The following EXOC2 variants were observed in gnomAD, a reference collection of about 807,000 sequenced individuals.
EXOC2 encodes the protein exocyst complex component 2, also known as SEC5-like 1.
A neutral mutation model predicts 131.8 loss-of-function variants in EXOC2; 70 were observed. That is an observed-to-expected ratio of 0.53 (90% confidence interval 0.44 to 0.65). The LOEUF is 0.65. EXOC2 is among the 30% of genes least tolerant of loss of function. The pLI is 0.00. For synonymous variants in EXOC2, 411 were observed against 398.4 expected (o/e 1.03, Z -0.38); for missense variants, 923 against 1,108.6 (o/e 0.83, Z 2.38).
intron 13 of EXOC2, among the ~76,000 whole-genome samples, chr6:568,419 C>G (rs742490): frequency 0.097 from 14,764 of 152,280 alleles, 955 homozygotes; most frequent in African/African-American, 0.18. Flanking sequence ...GGCTGGCATT[C>G]AAACTGGAGC....
chr6:686,765 C>G (rs1445510579), intron 1 of EXOC2, among the ~76,000 whole-genome samples: 1 of 152,220 alleles, frequency 6.6e-6, no homozygotes, highest in African/African-American at 2.4e-5. Context: ...CAAGGACTGT[C>G]ACTATGTTGC....
chr6:606,796 C>G (rs1760441880), intron 7 of EXOC2, among the ~76,000 whole-genome samples: 1 of 152,240 alleles, frequency 6.6e-6, no homozygotes, highest in Non-Finnish European at 1.5e-5. Context: ...TACATCCCCA[C>G]AGCCAGCTAT....
chr6:645,677 A>G (rs919105200), intron 1 of EXOC2, among the ~76,000 whole-genome samples: 22 of 152,236 alleles, frequency 1.4e-4, no homozygotes, highest in Admixed American at 1.2e-3. Flanking sequence ...GTGACAAAGA[A>G]GTGTACTGGT....
chr6:592,208 T>C (rs772048360), intron 11 of EXOC2, among the ~76,000 whole-genome samples: 2 of 151,990 alleles, frequency 1.3e-5, no homozygotes, highest in Non-Finnish European at 2.9e-5. Context: ...CAAAGACCAA[T>C]GTCACCTCCT....
intron 1 of EXOC2, among the ~76,000 whole-genome samples, chr6:662,556 T>C (rs1036752871): frequency 4.6e-5 from 7 of 152,160 alleles, no homozygotes; most frequent in Admixed American, 1.3e-4. Context: ...CAAATGAGCA[T>C]TGGGTCAAAA....
intron 22 of EXOC2, among the ~76,000 whole-genome samples, chr6:543,448 G>A (rs1468575447): frequency 2.6e-5 from 4 of 152,138 alleles, no homozygotes; most frequent in East Asian, 1.9e-4. Flanking sequence ...GGTAGTTACC[G>A]GGGGCTGAGG....
intron 1 of EXOC2, among the ~76,000 whole-genome samples, chr6:643,871 A>G (rs1762467058): frequency 1.3e-5 from 2 of 152,288 alleles, no homozygotes; most frequent in African/African-American, 4.8e-5. Flanking sequence ...GATACTAAAG[A>G]CATTTAAATA....
intron 23 of EXOC2, among the ~76,000 whole-genome samples, chr6:503,359 A>T (rs1438149750): frequency 6.6e-6 from 1 of 152,118 alleles, no homozygotes; most frequent in Non-Finnish European, 1.5e-5. Flanking sequence ...TATATGTAAG[A>T]CCCCAAAGTG....
chr6:491,223 A>C (rs1763414104), intron 25 of EXOC2, 37 bp from the exon 26 acceptor site: 2 of 1,604,586 alleles, frequency 1.2e-6, no homozygotes, highest in Non-Finnish European at 1.7e-6. Context: ...CAACAGGAAA[A>C]TTTATATTAT....
At chr6:493,099 C>T (rs1293423800) in intron 25 of EXOC2, among the ~76,000 whole-genome samples, 1 of 152,092 alleles carries the variant, frequency 6.6e-6, no homozygotes. Flanking sequence ...AGAAATATCC[C>T]TTATTCTCAA....
chr6:532,900 T>C (rs1766179629), intron 22 of EXOC2, among the ~76,000 whole-genome samples: 1 of 152,168 alleles, frequency 6.6e-6, no homozygotes, highest in African/African-American at 2.4e-5. Context: ...AGAAGTTTAA[T>C]TGACTCAATT....
chr6:507,550 GAGAA>G (rs748003254), intron 23 of EXOC2, among the ~76,000 whole-genome samples: 1 of 152,158 alleles, frequency 6.6e-6, no homozygotes, highest in Non-Finnish European at 1.5e-5. Flanking sequence ...AAGCTTACAT[GAGAA>G]AGAGAGGGCT....
intron 7 of EXOC2, among the ~76,000 whole-genome samples, chr6:600,984 C>A (rs981182343): frequency 6.6e-6 from 1 of 152,056 alleles, no homozygotes; most frequent in Non-Finnish European, 1.5e-5. Context: ...ATAATGTATT[C>A]AGTAATAAAA....
intron 23 of EXOC2, among the ~76,000 whole-genome samples, chr6:529,914 A>G (rs1484124940): frequency 6.6e-6 from 1 of 152,218 alleles, no homozygotes; most frequent in Non-Finnish European, 1.5e-5. Flanking sequence ...TTACCGAAAA[A>G]TGTATTACTT....
At chr6:658,722 C>T (rs1763278480) in intron 1 of EXOC2, among the ~76,000 whole-genome samples, 1 of 141,236 alleles carries the variant, frequency 7.1e-6, no homozygotes, top group Non-Finnish European at 1.5e-5. Flanking sequence ...AGTGCAATGG[C>T]GTGATCTCGG....
chr6:543,497 G>A (rs1255705722), intron 22 of EXOC2, among the ~76,000 whole-genome samples: 1 of 152,040 alleles, frequency 6.6e-6, no homozygotes, highest in Non-Finnish European at 1.5e-5. Context: ...TTGATCAAAG[G>A]GCATGGCATG....
At chr6:537,594 A>C (rs1438665987) in intron 22 of EXOC2, among the ~76,000 whole-genome samples, 3 of 152,208 alleles carry the variant, frequency 2.0e-5, no homozygotes, top group Non-Finnish European at 4.4e-5. Flanking sequence ...ATTGTACTTC[A>C]AGGTTTATAT....
chr6:486,611 T>TA lies in EXOC2; in HGVS notation c.*59dup, dbSNP rs1208886053. ...ATACACCAAATACCTTTAGGGTACT[T>TA]AGAGAGTGAACAGTCTTATTACGTG... On this transcript the variant is annotated 3_prime_UTR_variant, in exon 28 of 28. Coordinates refer to ENST00000230449, the MANE Select transcript of EXOC2 (RefSeq NM_018303.6). 4 of 1,426,236 alleles carry TA rather than the reference T, an allele frequency of 2.8e-6. No homozygotes were observed. The highest frequency in any genetic ancestry group is 2.8e-5 in the African/African-American group (2 of 71,066). 88.3% of individuals were successfully genotyped at this position (1,426,236 alleles called of 1,614,324 possible). A position where few individuals can be genotyped will look rare whatever the true frequency, so the allele number is the denominator to read the frequency against.
intron 22 of EXOC2, among the ~76,000 whole-genome samples, chr6:548,160 G>T (rs1756958630): frequency 6.6e-6 from 1 of 152,076 alleles, no homozygotes; most frequent in Non-Finnish European, 1.5e-5. Flanking sequence ...TGGCCCCAAA[G>T]GCTTAAGTCA....
Sources: allele counts gnomAD v4.1 joint callset (sites outside exome capture counted in the v4.1 genomes callset), GRCh38; gene constraint gnomAD v4.1.1; transcripts MANE v1.5; gene names NCBI Gene and HGNC (gene_info 2026-07-23, HGNC 2026-07-21).